Variants in GSE1 observed in about 807,000 individuals in gnomAD.
GSE1 encodes genetic suppressor element 1.
In GSE1, 32 loss-of-function variants were observed where a neutral mutation model predicts 112.6. The observed-to-expected ratio is 0.28, with a 90% CI of 0.21 to 0.38. GSE1 has a LOEUF of 0.38. GSE1 is among the 10% of genes least tolerant of loss of function. GSE1 has a pLI of 1.00. For missense variants in GSE1, 2,348 were observed against 1,699.2 expected (o/e 1.38, Z -6.71); for synonymous variants, 1,115 against 735.6 (o/e 1.52, Z -8.35).
At chr16:85,347,133 C>T (rs2046760032) in intron 1 of GSE1, among the ~76,000 whole-genome samples, 1 of 152,082 alleles carries the variant, frequency 6.6e-6, no homozygotes, top group South Asian at 2.1e-4. Context: ...GGGCTGTACA[C>T]CCAGGTCTAG....
At chr16:85,534,968 G>C (rs912255278) in intron 2 of GSE1, among the ~76,000 whole-genome samples, 1 of 152,340 alleles carries the variant, frequency 6.6e-6, no homozygotes, top group African/African-American at 2.4e-5. Context: ...CGTGGTCTTG[G>C]AGGCATGTGT....
At chr16:85,526,777 C>G (rs574212778) in intron 2 of GSE1, among the ~76,000 whole-genome samples, 46 of 152,364 alleles carry the variant, frequency 3.0e-4, no homozygotes, top group African/African-American at 1.1e-3. Context: ...CGCTCGCTCT[C>G]TTACAGGCGA....
intron 1 of GSE1, among the ~76,000 whole-genome samples, chr16:85,579,410 GGC>G (rs1401469024): frequency 1.3e-5 from 2 of 152,220 alleles, no homozygotes; most frequent in Non-Finnish European, 2.9e-5. Flanking sequence ...ACTTGGGGAG[GGC>G]GCTTTGTATT....
intron 2 of GSE1, among the ~76,000 whole-genome samples, chr16:85,425,569 C>T (rs60784382): frequency 0.014 from 2,183 of 152,272 alleles, 55 homozygotes; most frequent in African/African-American, 0.05. Context: ...CACGCTTTGG[C>T]GGAGACTGAG....
At chr16:85,381,066 C>T (rs2047536070) in intron 2 of GSE1, among the ~76,000 whole-genome samples, 1 of 152,208 alleles carries the variant, frequency 6.6e-6, no homozygotes, top group South Asian at 2.1e-4. Context: ...TTCGTCACCC[C>T]AAAAGGAAAT....
intron 1 of GSE1, among the ~76,000 whole-genome samples, chr16:85,275,678 G>A (rs1909288389): frequency 6.6e-6 from 1 of 152,218 alleles, no homozygotes; most frequent in South Asian, 2.1e-4. Flanking sequence ...CAGGGTGAGG[G>A]GACCCCAGGG....
At chr16:85,198,772 T>C (rs1038203231) in intron 1 of GSE1, among the ~76,000 whole-genome samples, 7 of 150,894 alleles carry the variant, frequency 4.6e-5, no homozygotes, top group Non-Finnish European at 1.0e-4. Flanking sequence ...TGAGCTAGAG[T>C]GTGGGGTTCC....
At chr16:85,604,705 A>C (rs539913977) in intron 1 of GSE1, among the ~76,000 whole-genome samples, 1 of 87,236 alleles carries the variant, frequency 1.1e-5, no homozygotes, top group African/African-American at 4.7e-5. Flanking sequence ...TGATCGCACT[A>C]CCGCGCTCCA....
chr16:85,534,599 T>C (rs572936950), intron 2 of GSE1, among the ~76,000 whole-genome samples: 3 of 152,332 alleles, frequency 2.0e-5, no homozygotes, highest in East Asian at 3.9e-4. Context: ...ATGCGCGTAC[T>C]ACATTTTGTT....
chr16:85,479,300 A>C (rs1222359361), intron 2 of GSE1, among the ~76,000 whole-genome samples: 3 of 143,788 alleles, frequency 2.1e-5, no homozygotes, highest in Non-Finnish European at 4.5e-5. Flanking sequence ...CCAAAGTGCT[A>C]GGATTACAGG....
At chr16:85,171,501 G>A in exon 1 of GSE1, 1 of 985,642 alleles carries the variant, frequency 1.0e-6, no homozygotes, top group Non-Finnish European at 1.2e-6. Context: ...CCCAGTGGCT[G>A]CAGCATGAGG....
intron 1 of GSE1, among the ~76,000 whole-genome samples, chr16:85,294,616 ACTCTCTCTCTCTCTCT>A (rs756560732): frequency 2.1e-4 from 16 of 76,654 alleles, no homozygotes; most frequent in Admixed American, 9.7e-4. Flanking sequence ...CACGCCTCTC[ACTCTCTCTCTCTCTCT>A]CTCTCTCTCT....
At chr16:85,304,306 C>A (rs534648797) in intron 1 of GSE1, among the ~76,000 whole-genome samples, 2 of 152,212 alleles carry the variant, frequency 1.3e-5, no homozygotes, top group Non-Finnish European at 2.9e-5. Flanking sequence ...TCTTTACTGA[C>A]CTCCTGCCCT....
intron 1 of GSE1, among the ~76,000 whole-genome samples, chr16:85,194,019 T>C (rs2074879492): frequency 6.6e-6 from 1 of 152,202 alleles, no homozygotes; most frequent in Non-Finnish European, 1.5e-5. Context: ...TGCTTCATTT[T>C]TGAAAAAGGA....
In GSE1 at chr16:85,452,799, C is replaced by A. The variant is rs137949972; in HGVS notation, c.2464+95156C>A. Among the ~76,000 whole-genome samples the A allele has an allele frequency of 3.5e-4, 53 of 152,284 alleles. 1 individual carries two copies. In the East Asian group the frequency reaches 9.7e-3, roughly 28 times the overall value. On this transcript the variant is annotated intron_variant, in intron 2 of 2. Coordinates refer to the GSE1 transcript ENST00000637419. ...TTTCCCAGCAGTGGTAGTGGATTGG[C>A]GTTCTCTCTCCCCCGTTCGTTCTGT...
intron 1 of GSE1, among the ~76,000 whole-genome samples, chr16:85,172,313 T>G (rs1194753382): frequency 6.6e-6 from 1 of 152,200 alleles, no homozygotes; most frequent in African/African-American, 2.4e-5. Flanking sequence ...ACTGTTCTTT[T>G]GAGACCGTGC....
rs557125895 is a variant in GSE1, at chr16:85,542,867, G to C, written c.2465-91047G>C. Reference sequence around the variant, plus strand: ...GCAGCTGCTGCAATACAGGGTACTCGGTAGTTTCCCTCATTACATGACCTG... The same window carrying C: ...GCAGCTGCTGCAATACAGGGTACTCCGTAGTTTCCCTCATTACATGACCTG... On this transcript the variant is annotated intron_variant, in intron 2 of 2. Coordinates refer to the GSE1 transcript ENST00000637419. Among the ~76,000 whole-genome samples, 359 of 152,318 alleles carry C rather than the reference G, an allele frequency of 2.4e-3. 1 individual carries two copies. The highest frequency in any genetic ancestry group is 8.1e-3 in the African/African-American group (335 of 41,566).
chr16:85,520,428 A>T (rs550977368), intron 2 of GSE1, among the ~76,000 whole-genome samples: 19 of 142,876 alleles, frequency 1.3e-4, no homozygotes, highest in Admixed American at 6.3e-4. Flanking sequence ...CCCTGCTCCT[A>T]TTTTTTTTTT....
intron 1 of GSE1, chr16:85,285,419 T>G (rs958922880): frequency 6.6e-5 from 10 of 152,090 alleles, no homozygotes; most frequent in African/African-American, 1.9e-4. Context: ...TGGTGGCTCA[T>G]GTTTGTAATC....
Sources: allele counts gnomAD v4.1 joint callset (sites outside exome capture counted in the v4.1 genomes callset), GRCh38; gene constraint gnomAD v4.1.1; transcripts MANE v1.5; gene names NCBI Gene and HGNC (gene_info 2026-07-23, HGNC 2026-07-21).